Variants in ALK observed in about 807,000 individuals in gnomAD.
The protein encoded by ALK is ALK tyrosine kinase receptor.
Under a neutral mutation model 163.1 loss-of-function variants are expected in ALK, and 74 were observed. The ratio of observed to expected loss-of-function variants is 0.45; its 90% CI spans 0.38 to 0.55. ALK has a LOEUF of 0.55. Among genes scored for constraint, ALK ranks in the 20% least tolerant of loss-of-function variants. ALK has a pLI of 0.00. For synonymous variants in ALK, 960 were observed against 843.2 expected (o/e 1.14, Z -2.40); for missense variants, 2,063 against 2,105.3 (o/e 0.98, Z 0.39).
At position 29,220,804 on chromosome 2, in the gene ALK, T is replaced by C. The variant is rs770456378; in HGVS notation, c.3547A>G (p.Ile1183Val). The change falls in exon 23 of 29, where the codon ATT becomes GTT. Residue 1183 changes from isoleucine to valine, a missense_variant. Physicochemically the swap from Ile to Val is conservative, Grantham distance 29. This residue lies in a region of ALK where 575 missense variants were observed against 626.6 expected (regional missense o/e 0.92). Coordinates refer to ENST00000389048, the MANE Select transcript of ALK (RefSeq NM_004304.5). The part of the protein sequence containing the change: ...KFNHQNIVRC[I>V]GVSLQSLPRF... ...GGCAGGGATTGCAGGCTCACCCCAA[T>C]GCAGCGAACAATGTTCTGGTGGTTG... is the stretch of plus-strand genomic sequence containing the variant. 4.3e-6 allele frequency: 7 copies of C among 1,614,082 alleles called. No individual in the cohort carries two copies. The South Asian group carries it at 6.6e-5, about 15-fold the overall frequency.
At chr2:29,872,261 G>A (rs1328090577) in intron 1 of ALK, among the ~76,000 whole-genome samples, 1 of 152,192 alleles carries the variant, frequency 6.6e-6, no homozygotes, top group African/African-American at 2.4e-5. Flanking sequence ...GGGAGGGGAT[G>A]CAGCTGAACT....
chr2:29,874,185 A>G (rs1666646306), intron 1 of ALK, among the ~76,000 whole-genome samples: 1 of 152,156 alleles, frequency 6.6e-6, no homozygotes, highest in Non-Finnish European at 1.5e-5. Context: ...TGTTCTTGTG[A>G]CTTCAAAAAA....
At chr2:29,685,391 G>A (rs904319615) in intron 3 of ALK, among the ~76,000 whole-genome samples, 1 of 152,150 alleles carries the variant, frequency 6.6e-6, no homozygotes, top group African/African-American at 2.4e-5. Flanking sequence ...TGCCTTACAA[G>A]AGCCAAACTC....
intron 5 of ALK, among the ~76,000 whole-genome samples, chr2:29,340,332 A>C (rs1299660932): frequency 2.6e-5 from 4 of 152,230 alleles, no homozygotes; most frequent in African/African-American, 9.6e-5. Context: ...CAGCAGAGAA[A>C]GCTGCTTGGA....
At chr2:29,398,404 T>C (rs1187897021) in intron 4 of ALK, among the ~76,000 whole-genome samples, 1 of 152,128 alleles carries the variant, frequency 6.6e-6, no homozygotes, top group Admixed American at 6.5e-5. Flanking sequence ...ATAGCCCACT[T>C]CCTTTACCTG....
chr2:29,396,397 C>T (rs531440061), intron 4 of ALK, among the ~76,000 whole-genome samples: 9 of 152,154 alleles, frequency 5.9e-5, no homozygotes, highest in African/African-American at 1.2e-4. Flanking sequence ...CAAACATGGC[C>T]GGGTGCAGTG....
chr2:29,744,448 A>C (rs1228629013), intron 1 of ALK, among the ~76,000 whole-genome samples: 2 of 152,136 alleles, frequency 1.3e-5, no homozygotes, highest in African/African-American at 4.8e-5. Flanking sequence ...AGCTTGGGCA[A>C]GGCTTGGTTG....
chr2:29,510,048 C>G (rs1024749390), intron 4 of ALK, among the ~76,000 whole-genome samples: 12 of 152,240 alleles, frequency 7.9e-5, no homozygotes, highest in African/African-American at 2.9e-4. Flanking sequence ...GGGTTTGGGC[C>G]AAGGTGGCCA....
intron 3 of ALK, among the ~76,000 whole-genome samples, chr2:29,670,717 T>C (rs1376549257): frequency 6.6e-6 from 1 of 152,072 alleles, no homozygotes; most frequent in Admixed American, 6.6e-5. Flanking sequence ...TCTTTGACTG[T>C]GTATTTTCAT....
intron 4 of ALK, among the ~76,000 whole-genome samples, chr2:29,493,436 G>A (rs979683119): frequency 6.6e-6 from 1 of 152,192 alleles, no homozygotes; most frequent in Non-Finnish European, 1.5e-5. Context: ...ATAACAGAAT[G>A]AGCTGTCTGT....
At chr2:29,489,338 C>A (rs2148123829) in intron 4 of ALK, among the ~76,000 whole-genome samples, 1 of 152,314 alleles carries the variant, frequency 6.6e-6, no homozygotes, top group East Asian at 1.9e-4. Context: ...CAAAGTCTTG[C>A]TCTGTTGCCC....
intron 1 of ALK, among the ~76,000 whole-genome samples, chr2:29,900,372 G>C (rs757788805): frequency 6.6e-6 from 1 of 152,196 alleles, no homozygotes; most frequent in Non-Finnish European, 1.5e-5. Flanking sequence ...GGTTGCCAAG[G>C]CTGCATATCA....
intron 1 of ALK, among the ~76,000 whole-genome samples, chr2:29,793,046 C>T (rs1268252173): frequency 1.3e-5 from 2 of 152,080 alleles, no homozygotes; most frequent in Admixed American, 1.3e-4. Flanking sequence ...CACAGTAAAT[C>T]TTTCAAAATT....
chr2:29,435,839 C>G (rs79242472), intron 4 of ALK, among the ~76,000 whole-genome samples: 3 of 152,046 alleles, frequency 2.0e-5, no homozygotes, highest in Admixed American at 2.0e-4. Context: ...AATTTTCCAC[C>G]TTTGTCTTAA....
intron 18 of ALK, 93 bp from the exon 19 acceptor site, chr2:29,225,658 A>C: frequency 9.6e-7 from 1 of 1,045,784 alleles, no homozygotes; most frequent in Non-Finnish European, 1.5e-6. Context: ...ACTGAGACAA[A>C]AACTACTTGC....
intron 4 of ALK, among the ~76,000 whole-genome samples, chr2:29,439,792 C>T (rs61347824): frequency 0.018 from 2,750 of 152,042 alleles, 80 homozygotes; most frequent in African/African-American, 0.061. Flanking sequence ...CAAAGACTGA[C>T]GGCCACCACC....
intron 1 of ALK, among the ~76,000 whole-genome samples, chr2:29,893,082 T>G (rs1472668975): frequency 1.3e-5 from 2 of 152,180 alleles, no homozygotes; most frequent in Non-Finnish European, 2.9e-5. Context: ...TCTGGGCCAC[T>G]CCTGATGTGC....
rs146150052 is a variant in ALK at position 29,530,744 on chromosome 2, T to A, written c.1154+1171A>T. Among the ~76,000 whole-genome samples the A allele has an allele frequency of 4.6e-3, 708 of 152,322 alleles. 8 individuals are homozygous for A. The highest frequency in any genetic ancestry group is 0.015 in the African/African-American group (628 of 41,580). ...CCAAACAAGGGGCAGCCCAGACACC[T>A]GCTATGCCACACTGATATCTGGTGA... On this transcript the variant is annotated intron_variant, in intron 4 of 28. Coordinates refer to ENST00000389048, the MANE Select transcript of ALK (RefSeq NM_004304.5).
At chr2:29,327,137 G>A (rs948138094) in intron 6 of ALK, among the ~76,000 whole-genome samples, 1 of 152,238 alleles carries the variant, frequency 6.6e-6, no homozygotes. Flanking sequence ...CTTCTGGAGA[G>A]GCAGCTGCGG....
Sources: gnomAD v4.1 joint callset for allele counts (sites outside exome capture counted in the v4.1 genomes callset) on GRCh38, gnomAD v4.1.1 for gene constraint, gnomAD v4.1.1 regional missense constraint, MANE v1.5 for transcripts, NCBI Gene and HGNC (gene_info 2026-07-23, HGNC 2026-07-21) for gene names.